Variants in PLEKHA4 observed in about 807,000 individuals in gnomAD.
The protein encoded by PLEKHA4 is pleckstrin homology domain containing A4.
Under a neutral mutation model 94.7 loss-of-function variants are expected in PLEKHA4, and 73 were observed. That is an observed-to-expected ratio of 0.77 (90% CI 0.64 to 0.94). The LOEUF (loss-of-function observed/expected upper bound fraction) is 0.94. PLEKHA4 is among the 40% of genes least tolerant of loss of function. PLEKHA4 has a pLI of 0.00. For synonymous variants in PLEKHA4, 449 were observed against 437.1 expected, an observed-to-expected ratio of 1.03 and a Z score of -0.34; for missense variants, 1,049 against 1,054.1, an observed-to-expected ratio of 1.00 and a Z score of 0.07.
intron 16 of PLEKHA4, among the ~76,000 whole-genome samples, chr19:48,844,804 CTTTTTTTTTTTTTTT>C (rs149141709): frequency 8.9e-4 from 63 of 70,808 alleles, no homozygotes; most frequent in Non-Finnish European, 1.3e-3. Flanking sequence ...CTCAGGGTGT[CTTTTTTTTTTTTTTT>C]TTTTTTTTTT....
Position 48,861,610 on chromosome 19 carries a change from A to C in PLEKHA4, c.265+10T>G. 4 of 1,614,142 alleles carry C rather than the reference A, an allele frequency of 2.5e-6. No individual in the cohort carries two copies. Among genetic ancestry groups the C allele is most frequent in the Non-Finnish European group, 3.4e-6 (4 of 1,179,964 alleles). ...CCCTCCCACCCCAAGCCAGCCAGCC[A>C]GCCACTGACCCTTGTAATAAAAGAG... On this transcript the variant is annotated intron_variant, in intron 4 of 19. Transcript: ENST00000263265.
chr19:48,865,457 C>A, intron 3 of PLEKHA4, 46 bp downstream of exon 3: 1 of 1,464,314 alleles, frequency 6.8e-7, no homozygotes, highest in Non-Finnish European at 9.5e-7. Flanking sequence ...AGAGGACAGC[C>A]GGGGCACAGA....
chr19:48,855,463 G>T (rs1346104481), intron 9 of PLEKHA4, among the ~76,000 whole-genome samples: 1 of 151,824 alleles, frequency 6.6e-6, no homozygotes, highest in Admixed American at 6.6e-5. Context: ...ACTTAGCCAG[G>T]CGTAGTGACG....
At chr19:48,840,863 C>G (rs528458434) in intron 17 of PLEKHA4, among the ~76,000 whole-genome samples, 1 of 152,036 alleles carries the variant, frequency 6.6e-6, no homozygotes, top group African/African-American at 2.4e-5. Flanking sequence ...TTTTTGCTTT[C>G]TTGCTATTGA....
At chr19:48,852,385 C>T (rs2036233185) in intron 12 of PLEKHA4, 59 bp from the exon 13 acceptor site, 5 of 1,309,394 alleles carry the variant, frequency 3.8e-6, no homozygotes, top group African/African-American at 1.4e-5. Context: ...GATCCTTCCC[C>T]ACCCCATCAT....
Position 48,860,403 on chromosome 19 carries a change from C to A in PLEKHA4, c.423G>T (p.Leu141=), listed in dbSNP as rs1454223349. Residue 141 remains leucine, a synonymous_variant, in exon 6 of 20, where the codon CTG becomes CTT. Coordinates refer to ENST00000263265, the MANE Select transcript of PLEKHA4 (RefSeq NM_020904.3). ...YVLAADTLED[L]RGWLRALGRA... ...GGCCCAGCGCCCGTAGCCAGCCCCG[C>A]AGGTCTTCTAAGGTGTCAGCGGCCA... 6.2e-7 allele frequency: 1 copy of A among 1,614,146 alleles called. No homozygotes were observed. Among genetic ancestry groups the A allele is most frequent in the Admixed American group, 1.7e-5 (1 of 60,006 alleles).
intron 2 of PLEKHA4, among the ~76,000 whole-genome samples, chr19:48,865,831 G>A (rs1022662382): frequency 1.1e-4 from 16 of 151,992 alleles, no homozygotes; most frequent in African/African-American, 3.6e-4. Context: ...TGGCTAACAC[G>A]GTGAAACCCC....
At position 48,857,440 on chromosome 19, in the gene PLEKHA4, C is replaced by T. The variant is rs1267322520; in HGVS notation, c.1029G>A (p.Arg343=). 1.3e-6 allele frequency: 2 copies of T among 1,552,878 alleles called. No individual in the cohort carries two copies. The highest frequency in any genetic ancestry group is 2.1e-5 in the Admixed American group (1 of 46,640). The change falls in exon 9 of 20, where the codon CGG becomes CGA. Residue 343 remains arginine, a synonymous_variant. Transcript: ENST00000263265. Reference sequence around the variant, plus strand: ...TACCTACCAATAAAACCATGGAGGCCCGGGTCCCAGGGGGCCGCGGGGGGA... The same window carrying T: ...TACCTACCAATAAAACCATGGAGGCTCGGGTCCCAGGGGGCCGCGGGGGGA... ...LQLPPRPPGT[R]ASMVLLPGPP...
At chr19:48,840,157 C>T (rs990789299) in intron 17 of PLEKHA4, among the ~76,000 whole-genome samples, 1 of 151,834 alleles carries the variant, frequency 6.6e-6, no homozygotes, top group Non-Finnish European at 1.5e-5. Flanking sequence ...GTAGCTCACA[C>T]CTATATTCTT....
intron 16 of PLEKHA4, among the ~76,000 whole-genome samples, chr19:48,843,859 C>G (rs565573484): frequency 6.6e-6 from 1 of 151,372 alleles, no homozygotes; most frequent in Non-Finnish European, 1.5e-5. Flanking sequence ...GTTTTTGCCA[C>G]GTTGGCCAGG....
At chr19:48,839,139 G>T (rs55966626) in intron 18 of PLEKHA4, 66 bp downstream of exon 18, 139,855 of 1,112,456 alleles carry the variant, frequency 0.13, 10,192 homozygotes, top group Non-Finnish European at 0.15. Flanking sequence ...TAATAATAAT[G>T]CTACTCCCCT....
At chr19:48,861,713 A>T in intron 3 of PLEKHA4, 21 bp from the exon 4 acceptor site, 1 of 1,602,700 alleles carries the variant, frequency 6.2e-7, no homozygotes, top group Non-Finnish European at 8.5e-7. Context: ...AGATGGGAGG[A>T]GGGGCCTGAG....
intron 16 of PLEKHA4, among the ~76,000 whole-genome samples, chr19:48,842,995 G>T (rs2035825262): frequency 1.3e-5 from 2 of 152,116 alleles, no homozygotes; most frequent in Admixed American, 6.6e-5. Context: ...CGGTTGGGGT[G>T]AGGGAGGAGC....
chr19:48,864,825 C>T (rs956704367), intron 3 of PLEKHA4, among the ~76,000 whole-genome samples: 1 of 152,178 alleles, frequency 6.6e-6, no homozygotes, highest in East Asian at 1.9e-4. Context: ...CCCGTCTTGG[C>T]CTCCCAAAAT....
Position 48,845,439 on chromosome 19 carries a change from C to T in PLEKHA4, c.1674G>A (p.Gly558=), listed in dbSNP as rs753578561. ...KDLASPHLGL[G]SPRVSRASSP... is the part of the protein sequence containing the mutation. ...TGGAAGCCCGGGAGACCCTCGGAGA[C>T]CCAAGACCTGGAAAGACAGAACGGG... Residue 558 remains glycine (G), a synonymous_variant, in exon 16 of 20, where the codon GGG becomes GGA. Coordinates refer to ENST00000263265, the MANE Select transcript of PLEKHA4 (RefSeq NM_020904.3). 1.6e-5 allele frequency: 26 copies of T among 1,613,968 alleles called. No individual in the cohort carries two copies. The highest frequency in any genetic ancestry group is 2.2e-5 in the Non-Finnish European group (26 of 1,180,006).
intron 5 of PLEKHA4, among the ~76,000 whole-genome samples, chr19:48,860,819 G>A (rs1305636206): frequency 7.0e-6 from 1 of 141,850 alleles, no homozygotes; most frequent in Non-Finnish European, 1.6e-5. Context: ...GAGAAAGAAA[G>A]AGAGAAAGAG....
At chr19:48,856,898 C>CAAAAAAAAAAAAA (rs1315657736) in intron 9 of PLEKHA4, among the ~76,000 whole-genome samples, 4 of 35,606 alleles carry the variant, frequency 1.1e-4, no homozygotes, top group Admixed American at 3.4e-4. Context: ...GACCCCGTCT[C>CAAAAAAAAAAAAA]AAAAAAAAAA....
chr19:48,854,767 A>G (rs1261118069), intron 9 of PLEKHA4, among the ~76,000 whole-genome samples: 3 of 130,876 alleles, frequency 2.3e-5, no homozygotes, highest in African/African-American at 9.1e-5. Flanking sequence ...TGGCATGATC[A>G]TGGCTCACTG....
chr19:48,837,284 G>A lies in PLEKHA4; in HGVS notation c.*5C>T, dbSNP rs1180700825. On this transcript the variant is annotated 3_prime_UTR_variant, in exon 20 of 20. Coordinates refer to ENST00000263265, the MANE Select transcript of PLEKHA4 (RefSeq NM_020904.3). The surrounding 1 kb of genome is among the most constrained non-coding windows in gnomAD (Gnocchi z 4.3). ...CGCTCCGATTGGCTGCCGCTTTTGG[G>A]CGGATTAGAAGCTGGATTGTAGCAG... The A allele has an allele frequency of 9.3e-6, 15 of 1,613,886 alleles. No individual in the cohort carries two copies. The highest frequency in any genetic ancestry group is 1.3e-5 in the Non-Finnish European group (15 of 1,180,030).
Sources: gnomAD v4.1 joint callset for allele counts (sites outside exome capture counted in the v4.1 genomes callset) on GRCh38, gnomAD v4.1.1 for gene constraint, Gnocchi (gnomAD v3.1) non-coding constraint, MANE v1.5 for transcripts, NCBI Gene and HGNC (gene_info 2026-07-23, HGNC 2026-07-21) for gene names.